Variants in PIK3R3 observed in about 807,000 individuals in gnomAD.
PIK3R3 encodes the protein phosphatidylinositol 3-kinase regulatory subunit gamma.
Under a neutral mutation model 62.9 loss-of-function variants are expected in PIK3R3, and 64 were observed. The observed-to-expected ratio is 1.02, with a 90% CI of 0.83 to 1.25. The LOEUF is 1.25. PIK3R3 is among the 50% of genes most tolerant of loss of function. PIK3R3 has a pLI of 0.00. For missense variants in PIK3R3, 614 were observed against 561.6 expected (o/e 1.09, Z -0.94); for synonymous variants, 165 against 189.0 (o/e 0.87, Z 1.04).
At chr1:46,086,466 G>A (rs1651063660) in intron 1 of PIK3R3, among the ~76,000 whole-genome samples, 2 of 152,050 alleles carry the variant, frequency 1.3e-5, no homozygotes, top group African/African-American at 2.4e-5. Context: ...TTGGGAGGTC[G>A]AGGCAGGTGG....
chr1:46,090,087 T>C (rs1234223068), intron 1 of PIK3R3, among the ~76,000 whole-genome samples: 5 of 152,194 alleles, frequency 3.3e-5, no homozygotes, highest in Non-Finnish European at 7.3e-5. Context: ...ATAAACCTTG[T>C]AGTACTTTTT....
intron 1 of PIK3R3, among the ~76,000 whole-genome samples, chr1:46,103,168 G>A (rs571606049): frequency 1.3e-5 from 2 of 152,256 alleles, no homozygotes; most frequent in Admixed American, 1.3e-4. Flanking sequence ...GCGTGATAGG[G>A]GAAACGACGA....
chr1:46,153,485 C>T, the PIK3R3 span, among the ~76,000 whole-genome samples: 2 of 152,212 alleles, frequency 1.3e-5, no homozygotes, highest in Non-Finnish European at 2.9e-5. Flanking sequence ...TGGCTTCCAG[C>T]GGGGACAATG....
In PIK3R3 at chr1:46,076,253, G is replaced by C. The variant is rs547148891; in HGVS notation, c.314+1262C>G. 6.6e-5 allele frequency among the ~76,000 whole-genome samples: 10 copies of C among 152,258 alleles called. No individual in the cohort carries two copies. The East Asian group carries it at 1.9e-3, about 29-fold the overall frequency. ...AGCTCACCTTAAGAGAATGAATACA[G>C]AGAAGAAAAAGAGGCCCAGGTCCCA... On this transcript the variant is annotated intron_variant, in intron 3 of 9. Transcript: ENST00000262741.
chr1:46,101,350 A>T (rs1390176032), intron 1 of PIK3R3, among the ~76,000 whole-genome samples: 2 of 150,442 alleles, frequency 1.3e-5, no homozygotes, highest in Non-Finnish European at 3.0e-5. Flanking sequence ...AAAAAAAGTA[A>T]CTGGGTGTGG....
At chr1:46,056,178 G>A in intron 6 of PIK3R3, 2 of 372,168 alleles carry the variant, frequency 5.4e-6, no homozygotes, top group African/African-American at 2.1e-5. Context: ...AGCCTCCCCA[G>A]TAGCTGGGAT....
chr1:46,168,714 A>G, the PIK3R3 span, among the ~76,000 whole-genome samples: 2 of 152,214 alleles, frequency 1.3e-5, no homozygotes, highest in Non-Finnish European at 2.9e-5. Context: ...GTGTCAACAC[A>G]TCATGATGCT....
At chr1:46,077,477 T>A (rs569409691) in intron 3 of PIK3R3, 38 bp downstream of exon 3, 1 of 1,012,964 alleles carries the variant, frequency 9.9e-7, no homozygotes, top group Admixed American at 1.7e-5. Flanking sequence ...TAAAATAACA[T>A]CAGTAGAGAA....
At chr1:46,154,429 C>T in the PIK3R3 span, among the ~76,000 whole-genome samples, 753 of 152,122 alleles carry the variant, frequency 4.9e-3, 15 homozygotes, top group East Asian at 0.047. Flanking sequence ...ATTAACCAGA[C>T]GTGGTGGCAC....
intron 1 of PIK3R3, among the ~76,000 whole-genome samples, chr1:46,104,463 T>C (rs531504914): frequency 3.3e-5 from 5 of 152,248 alleles, no homozygotes; most frequent in Non-Finnish European, 7.3e-5. Context: ...TTTAATTCTG[T>C]GTAGTTACCA....
At chr1:46,126,340 C>T (rs1335549946) in intron 1 of PIK3R3, among the ~76,000 whole-genome samples, 1 of 151,700 alleles carries the variant, frequency 6.6e-6, no homozygotes, top group African/African-American at 2.4e-5. Flanking sequence ...GAGTTCAAGA[C>T]CAGCCTGGCC....
chr1:46,113,632 T>C (rs1653929325), intron 1 of PIK3R3, among the ~76,000 whole-genome samples: 1 of 152,204 alleles, frequency 6.6e-6, no homozygotes, highest in Admixed American at 6.6e-5. Flanking sequence ...ACTTAAGGTG[T>C]TTTAATAACT....
At chr1:46,166,306 C>T in the PIK3R3 span, among the ~76,000 whole-genome samples, 1 of 151,910 alleles carries the variant, frequency 6.6e-6, no homozygotes, top group Non-Finnish European at 1.5e-5. Context: ...TCAGTGCAAC[C>T]TCAGCCTCCC....
chr1:46,130,707 G>A (rs1448633877), intron 1 of PIK3R3, among the ~76,000 whole-genome samples: 1 of 152,104 alleles, frequency 6.6e-6, no homozygotes, highest in Non-Finnish European at 1.5e-5. Flanking sequence ...TATAATAAAC[G>A]AGGTTCCCCA....
At chr1:46,074,271 A>G (rs1235351164) in intron 3 of PIK3R3, among the ~76,000 whole-genome samples, 1 of 124,036 alleles carries the variant, frequency 8.1e-6, no homozygotes, top group Non-Finnish European at 1.6e-5. Flanking sequence ...CCTGGGCGAC[A>G]GAGCTAGACT....
chr1:46,080,824 C>T (rs892705011), intron 1 of PIK3R3, 74 bp from the exon 2 acceptor site: 8 of 901,110 alleles, frequency 8.9e-6, no homozygotes, highest in Middle Eastern at 2.2e-4. Flanking sequence ...GAGCAGCTCA[C>T]TAACCAAGGT....
At position 46,132,023 on chromosome 1, in the gene PIK3R3, T is replaced by TA. The variant is rs1655653680; in HGVS notation, c.-72dup. The TA allele has an allele frequency of 1.3e-6, 2 of 1,568,234 alleles. No individual in the cohort carries two copies. Among genetic ancestry groups the TA allele is most frequent in the East Asian group, 4.7e-5 (2 of 42,404 alleles). On this transcript the variant is annotated 5_prime_UTR_variant, in exon 1 of 10. Transcript: ENST00000262741. Reference sequence around the variant, plus strand: ...ATTTTTTATCTGGTATTTAAAAATCTAAAAATATATATCTGCAAAAGTTCC... The same window carrying TA: ...ATTTTTTATCTGGTATTTAAAAATCTAAAAAATATATATCTGCAAAAGTTCC...
At chr1:46,147,437 G>C in the PIK3R3 span, among the ~76,000 whole-genome samples, 3 of 149,548 alleles carry the variant, frequency 2.0e-5, no homozygotes, top group East Asian at 4.1e-4. Flanking sequence ...TTGTTGTTTT[G>C]AGACGGAGTC....
chr1:46,111,901 A>G (rs1206763870), intron 1 of PIK3R3, among the ~76,000 whole-genome samples: 1 of 152,196 alleles, frequency 6.6e-6, no homozygotes, highest in African/African-American at 2.4e-5. Context: ...TTAAGTCACC[A>G]TATCAGTGAG....
Sources: gnomAD v4.1 joint callset for allele counts (sites outside exome capture counted in the v4.1 genomes callset) on GRCh38, gnomAD v4.1.1 for gene constraint, MANE v1.5 for transcripts, NCBI Gene and HGNC (gene_info 2026-07-23, HGNC 2026-07-21) for gene names.